Variants in COPG2 observed in about 807,000 individuals in gnomAD.
COPG2 encodes the protein coat protein complex I subunit gamma 2.
Under a neutral mutation model 46.3 loss-of-function variants are expected in COPG2, and 37 were observed. The ratio of observed to expected loss-of-function variants is 0.80; its 90% CI spans 0.61 to 1.05. The LOEUF (loss-of-function observed/expected upper bound fraction) is 1.05, where lower values mean the gene tolerates loss of function less well. Among genes scored for constraint, COPG2 ranks in the 50% least tolerant of loss-of-function variants. The pLI, the probability that COPG2 is intolerant of heterozygous loss-of-function variation, is 0.00. For synonymous variants in COPG2, 159 were observed against 129.7 expected, an observed-to-expected ratio of 1.23 and a Z score of -1.53; for missense variants, 427 against 387.8, an observed-to-expected ratio of 1.10 and a Z score of -0.85.
intron 9 of COPG2, among the ~76,000 whole-genome samples, chr7:130,576,014 A>C (rs976029528): frequency 3.9e-5 from 6 of 152,196 alleles, no homozygotes; most frequent in African/African-American, 1.2e-4. Flanking sequence ...CCAACAGGAA[A>C]ATATCACAAT....
At chr7:130,657,371 C>T (rs112870615) in intron 4 of COPG2, among the ~76,000 whole-genome samples, 33 of 152,074 alleles carry the variant, frequency 2.2e-4, no homozygotes, top group Admixed American at 3.9e-4. Flanking sequence ...TTACTTTATA[C>T]CATATACAAA....
intron 5 of COPG2, among the ~76,000 whole-genome samples, chr7:130,622,570 C>CA (rs1443620670): frequency 6.6e-6 from 1 of 152,170 alleles, no homozygotes; most frequent in African/African-American, 2.4e-5. Context: ...AAGACGGTAG[C>CA]AATCACTATT....
intron 5 of COPG2, among the ~76,000 whole-genome samples, chr7:130,634,358 G>A (rs36176256): frequency 6.6e-6 from 1 of 152,284 alleles, no homozygotes; most frequent in Non-Finnish European, 1.5e-5. Flanking sequence ...CATGAGCATG[G>A]AATGTTTTTC....
intron 20 of COPG2, among the ~76,000 whole-genome samples, chr7:130,514,627 T>C (rs1799663354): frequency 1.3e-5 from 2 of 152,058 alleles, no homozygotes; most frequent in African/African-American, 2.4e-5. Context: ...CGTACATCTT[T>C]AGGGCAAGAT....
Position 130,547,706 on chromosome 7 carries a change from A to G in COPG2, c.2117T>C (p.Leu706Pro), listed in dbSNP as rs1319774811. ...AGGGTCATCATCAGGCAAACGAACA[A>G]GAGTGTAACATATTCCTGGTTGGTT... ...PYNQPGICYTLVRLPDDDPTA... is the reference protein window; with the variant it reads ...PYNQPGICYTPVRLPDDDPTA... The change falls in exon 20 of 24, where the codon CTT becomes CCT. Residue 706 changes from leucine (L) to proline (P), a missense_variant. Physicochemically the swap from Leu to Pro is moderately conservative, Grantham distance 98. Transcript: ENST00000425248. 3 of 398,516 alleles carry G rather than the reference A, an allele frequency of 7.5e-6. No individual in the cohort carries two copies. The highest frequency in any genetic ancestry group is 8.8e-6 in the Non-Finnish European group (2 of 226,082). The allele number at this position is 398,516 out of a possible 1,614,324, so 24.7% of individuals were successfully genotyped here. A position where few individuals can be genotyped will look rare whatever the true frequency, so the allele number is the denominator to read the frequency against.
chr7:130,591,192 G>C, intron 9 of COPG2, among the ~76,000 whole-genome samples: 1 of 139,184 alleles, frequency 7.2e-6, no homozygotes. Flanking sequence ...GAGGTGAGGG[G>C]CGCCTCTGCC....
intron 9 of COPG2, among the ~76,000 whole-genome samples, chr7:130,571,707 G>C (rs1197660837): frequency 6.6e-6 from 1 of 152,094 alleles, no homozygotes; most frequent in Non-Finnish European, 1.5e-5. Context: ...TCTACCCAGA[G>C]GAAAAGAAGT....
chr7:130,583,715 G>T (rs1366912143), intron 9 of COPG2, among the ~76,000 whole-genome samples: 1 of 144,784 alleles, frequency 6.9e-6, no homozygotes, highest in African/African-American at 2.5e-5. Flanking sequence ...TGAGGCAGGG[G>T]AATCGCTTGA....
chr7:130,607,725 C>CT (rs1554451476), intron 9 of COPG2: 1 of 519,982 alleles, frequency 1.9e-6, no homozygotes, highest in Admixed American at 1.9e-5. Flanking sequence ...GTTTTCCACT[C>CT]TAAGTTTTCA....
At chr7:130,544,966 G>C (rs971466497) in intron 20 of COPG2, among the ~76,000 whole-genome samples, 305 of 152,150 alleles carry the variant, frequency 2.0e-3, no homozygotes, top group Non-Finnish European at 3.5e-3. Context: ...CATTTATAAA[G>C]TAAAGGGGAG....
At chr7:130,568,007 G>A (rs908171269) in intron 9 of COPG2, among the ~76,000 whole-genome samples, 9 of 152,100 alleles carry the variant, frequency 5.9e-5, no homozygotes, top group East Asian at 1.9e-4. Flanking sequence ...GGCTAGGTGC[G>A]GTGACTCACA....
chr7:130,524,681 C>T, intron 20 of COPG2, among the ~76,000 whole-genome samples: 1 of 152,062 alleles, frequency 6.6e-6, no homozygotes, highest in Non-Finnish European at 1.5e-5. Context: ...TGACGCAGTT[C>T]ATGGATGACA....
At chr7:130,559,127 G>A (rs1009118649) in intron 12 of COPG2, among the ~76,000 whole-genome samples, 23 of 152,144 alleles carry the variant, frequency 1.5e-4, no homozygotes, top group East Asian at 9.7e-4. Context: ...ATGACAAACC[G>A]GGAGAAGATA....
chr7:130,533,307 CACAAGGGTGGGGGT>C (rs1431263645), intron 20 of COPG2, among the ~76,000 whole-genome samples: 1 of 139,304 alleles, frequency 7.2e-6, no homozygotes, highest in Non-Finnish European at 1.5e-5. Context: ...GGGGTTGGGG[CACAAGGGTGGGGGT>C]GGGAGGTCCT....
chr7:130,509,296 T>C (rs1799557627), intron 20 of COPG2: 2 of 514,162 alleles, frequency 3.9e-6, no homozygotes, highest in South Asian at 2.9e-5. Context: ...TGTTAAGTAA[T>C]AAGAAATGGA....
At chr7:130,514,908 G>A (rs1799666297) in intron 20 of COPG2, among the ~76,000 whole-genome samples, 1 of 152,314 alleles carries the variant, frequency 6.6e-6, no homozygotes, top group African/African-American at 2.4e-5. Flanking sequence ...TTCAGTGGGT[G>A]TAAGGCCAGA....
chr7:130,554,840 A>G, intron 13 of COPG2, 116 bp from the exon 14 acceptor site: 1 of 397,854 alleles, frequency 2.5e-6, no homozygotes, highest in East Asian at 3.6e-5. Flanking sequence ...CTTTTATGAA[A>G]GAAGCAAAAG....
At chr7:130,547,963 C>G (rs1022112067) in intron 19 of COPG2, 118 bp from the exon 20 acceptor site, 11 of 397,388 alleles carry the variant, frequency 2.8e-5, no homozygotes, top group African/African-American at 1.2e-4. Context: ...CAGGGTAGGT[C>G]TCCTCCTAAG....
In COPG2 at chr7:130,533,568, G is replaced by A. The variant is rs1408778003; in HGVS notation, c.2149+14106C>T. Among the ~76,000 whole-genome samples the A allele has an allele frequency of 1.1e-4, 16 of 152,248 alleles. No homozygotes were observed. The South Asian group carries it at 3.3e-3, about 32-fold the overall frequency. On this transcript the variant is annotated intron_variant, in intron 20 of 23. Coordinates refer to ENST00000425248, the MANE Select transcript of COPG2 (RefSeq NM_012133.6). ...AGGAAGGTCGGGGGGATGCCATCTA[G>A]AGAGGAAACCAGTGTCTCCCTAGTG... is the stretch of plus-strand genomic sequence containing the variant.
Sources: allele counts gnomAD v4.1 joint callset (sites outside exome capture counted in the v4.1 genomes callset), GRCh38; gene constraint gnomAD v4.1.1; transcripts MANE v1.5; gene names NCBI Gene and HGNC (gene_info 2026-07-23, HGNC 2026-07-21).